Variants in AHRR observed in about 807,000 individuals in gnomAD.
AHRR encodes the protein ahR repressor.
A neutral mutation model predicts 44.0 loss-of-function variants in AHRR; 28 were observed. The ratio of observed to expected loss-of-function variants is 0.64; its 90% CI spans 0.47 to 0.87. AHRR has a LOEUF of 0.87. AHRR is among the 40% of genes least tolerant of loss of function. The probability of loss-of-function intolerance (pLI) is 0.00; values close to 1 mark genes in which losing one functional copy is unlikely to be tolerated. For synonymous variants in AHRR, 434 were observed against 407.0 expected (o/e 1.07, Z -0.80); for missense variants, 990 against 953.9 (o/e 1.04, Z -0.50).
intron 1 of AHRR, chr5:343,554 T>A (rs1742440889): frequency 3.0e-6 from 1 of 333,546 alleles, no homozygotes; most frequent in Non-Finnish European, 5.5e-6. Flanking sequence ...CCCCGCCCGT[T>A]CCTGGCTTCC....
chr5:398,305 C>T (rs1241431742), intron 4 of AHRR, among the ~76,000 whole-genome samples: 2 of 152,214 alleles, frequency 1.3e-5, no homozygotes, highest in African/African-American at 4.8e-5. Context: ...TAGCCCCTGA[C>T]CTTCCGCGTT....
At chr5:415,600 T>TCTCC (rs1735740419) in intron 5 of AHRR, among the ~76,000 whole-genome samples, 84 of 130,282 alleles carry the variant, frequency 6.4e-4, no homozygotes, top group Non-Finnish European at 9.8e-4. Context: ...AGGGGCCGAA[T>TCTCC]CTGCCTGGTG....
At chr5:377,717 G>A (rs1234155448) in intron 4 of AHRR, among the ~76,000 whole-genome samples, 1 of 152,234 alleles carries the variant, frequency 6.6e-6, no homozygotes, top group Non-Finnish European at 1.5e-5. Context: ...CCCCGCTAGT[G>A]AATGGGTCCC....
In AHRR at chr5:337,141, A is replaced by AATT. The variant is rs1742167622; in HGVS notation, c.-10-6749_-10-6747dup. On this transcript the variant is annotated intron_variant, in intron 1 of 10. Transcript: ENST00000684583. This position sits in a 1 kb window ranked among gnomAD's most constrained non-coding sequence, Gnocchi z 4.1. ...TGAAATATTTTACAAAAATAGAGAA[A>AATT]ATTATACAAAGAGCTCAATTTTTTC... 6.6e-6 allele frequency among the ~76,000 whole-genome samples: 1 copy of AATT among 152,190 alleles called. No individual in the cohort carries two copies. Among genetic ancestry groups the AATT allele is most frequent in the African/African-American group, 2.4e-5 (1 of 41,442 alleles).
In AHRR at chr5:395,186, G is replaced by GA. The variant is rs1453876839; in HGVS notation, c.352-18157dup. Among the ~76,000 whole-genome samples the GA allele has an allele frequency of 3.3e-5, 5 of 152,290 alleles. No individual in the cohort carries two copies. Among genetic ancestry groups the GA allele is most frequent in the Middle Eastern group, 3.4e-3 (1 of 294 alleles). ...CTGGGGTTCCCTCAGCTTTTCTGGG[G>GA]ATCCTGTCCTCAAGTCCCCCTCCTG... On this transcript the variant is annotated intron_variant, in intron 4 of 10. Coordinates refer to ENST00000684583, the MANE Select transcript of AHRR (RefSeq NM_001377236.1). This position sits in a 1 kb window ranked among gnomAD's most constrained non-coding sequence, Gnocchi z 5.3.
chr5:423,821 T>G lies in AHRR; in HGVS notation c.572-20T>G, dbSNP rs1329802495. ...TTGGCTTCTCCCACCGCCACGCCCC[T>G]TGGCCCCTATGGTCTGCAGGAGATG... On this transcript the variant is annotated intron_variant, in intron 6 of 10. Coordinates refer to ENST00000684583, the MANE Select transcript of AHRR (RefSeq NM_001377236.1). 2 of 1,582,314 alleles carry G rather than the reference T, an allele frequency of 1.3e-6. No individual in the cohort carries two copies. The highest frequency in any genetic ancestry group is 1.7e-6 in the Non-Finnish European group (2 of 1,165,950).
rs1038815122 is a variant in AHRR at position 411,943 on chromosome 5, A to C, written c.352-1401A>C. 3.9e-5 allele frequency among the ~76,000 whole-genome samples: 6 copies of C among 152,210 alleles called. No individual in the cohort carries two copies. Among genetic ancestry groups the C allele is most frequent in the Non-Finnish European group, 5.9e-5 (4 of 68,026 alleles). ...TGGTAGCCTGTGCTTGCTCAGCGTC[A>C]GTGGCCATTGCTGCCATGGACAGAT... On this transcript the variant is annotated intron_variant, in intron 4 of 10. Coordinates refer to ENST00000684583, the MANE Select transcript of AHRR (RefSeq NM_001377236.1). This position sits in a 1 kb window ranked among gnomAD's most constrained non-coding sequence, Gnocchi z 4.2.
chr5:433,653 G>A (rs556804637), intron 10 of AHRR, among the ~76,000 whole-genome samples, 200 bp from the exon 11 acceptor site: 10 of 152,030 alleles, frequency 6.6e-5, no homozygotes, highest in Admixed American at 3.3e-4. Flanking sequence ...CCCCAGGCAC[G>A]CAGTGGGGGT....
At chr5:346,210 G>A (rs1742673167) in intron 2 of AHRR, among the ~76,000 whole-genome samples, 3 of 152,200 alleles carry the variant, frequency 2.0e-5, no homozygotes, top group African/African-American at 7.2e-5. Flanking sequence ...TAAATACGGT[G>A]CATGCACATT....
intron 5 of AHRR, chr5:420,957 C>T: frequency 4.4e-6 from 1 of 227,892 alleles, no homozygotes; most frequent in South Asian, 4.8e-5. Flanking sequence ...GGCGCACATA[C>T]GCTGGCACCG....
chr5:390,473 C>T (rs996312609), intron 4 of AHRR, among the ~76,000 whole-genome samples: 2 of 152,120 alleles, frequency 1.3e-5, no homozygotes, highest in African/African-American at 2.4e-5. Context: ...GAAAACGGCT[C>T]AACAATTAAA....
intron 8 of AHRR, among the ~76,000 whole-genome samples, chr5:428,333 A>G (rs1213652546): frequency 6.6e-6 from 1 of 152,148 alleles, no homozygotes. Flanking sequence ...GCCTTTCTCC[A>G]TCTCTTGGCT....
chr5:415,609 TGGGG>T (rs1560916303), intron 5 of AHRR, among the ~76,000 whole-genome samples: 2,103 of 136,780 alleles, frequency 0.015, 115 homozygotes, highest in Admixed American at 0.046. Context: ...ATCTGCCTGG[TGGGG>T]CGGGAGGCCT....
intron 4 of AHRR, among the ~76,000 whole-genome samples, chr5:380,289 C>T (rs115778712): frequency 1.6e-3 from 237 of 152,140 alleles, no homozygotes; most frequent in African/African-American, 5.4e-3. Context: ...TATTCTTCCT[C>T]AGAATTGTTC....
intron 3 of AHRR, among the ~76,000 whole-genome samples, chr5:361,297 G>A (rs1448703244): frequency 1.3e-5 from 2 of 152,230 alleles, no homozygotes; most frequent in Non-Finnish European, 2.9e-5. Context: ...CCATTGGATA[G>A]GGAGACTGGG....
intron 8 of AHRR, among the ~76,000 whole-genome samples, chr5:430,127 C>T (rs1282086030): frequency 1.3e-5 from 2 of 152,236 alleles, no homozygotes; most frequent in African/African-American, 4.8e-5. Flanking sequence ...AAGTTGCAGT[C>T]ACGTGTGTTG....
intron 4 of AHRR, among the ~76,000 whole-genome samples, chr5:393,971 C>T (rs80207196): frequency 0.043 from 6,582 of 152,274 alleles, 203 homozygotes; most frequent in South Asian, 0.067. Context: ...TTTGTGGCGA[C>T]GTGTCCTCTG....
chr5:323,679 C>T (rs562494738), intron 1 of AHRR, among the ~76,000 whole-genome samples: 1 of 152,256 alleles, frequency 6.6e-6, no homozygotes, highest in South Asian at 2.1e-4. Context: ...GGTGCTGAGA[C>T]GCCGGGGGAG....
At chr5:322,325 C>T (rs1045497996) in intron 1 of AHRR, among the ~76,000 whole-genome samples, 2 of 152,184 alleles carry the variant, frequency 1.3e-5, no homozygotes, top group Non-Finnish European at 2.9e-5. Context: ...GCCTGGAGTC[C>T]ACGCTGGGAC....
Sources: gnomAD v4.1 joint callset for allele counts (sites outside exome capture counted in the v4.1 genomes callset) on GRCh38, gnomAD v4.1.1 for gene constraint, Gnocchi (gnomAD v3.1) non-coding constraint, MANE v1.5 for transcripts, NCBI Gene and HGNC (gene_info 2026-07-23, HGNC 2026-07-21) for gene names.